Variants in MOCS1 observed in about 807,000 individuals in gnomAD.
The protein encoded by MOCS1 is molybdenum cofactor synthesis 1.
A neutral mutation model predicts 57.6 loss-of-function variants in MOCS1; 39 were observed. The observed-to-expected ratio is 0.68, with a 90% CI of 0.52 to 0.88. MOCS1 has a LOEUF of 0.88. MOCS1 is among the 40% of genes least tolerant of loss of function. The probability of loss-of-function intolerance (pLI) is 0.00; values close to 1 mark genes in which losing one functional copy is unlikely to be tolerated. For missense variants in MOCS1, 795 were observed against 831.1 expected (o/e 0.96, Z 0.53); for synonymous variants, 334 against 335.7 (o/e 1.00, Z 0.05).
At chr6:39,920,930 C>T (rs1333821223) in intron 3 of MOCS1, among the ~76,000 whole-genome samples, 1 of 148,878 alleles carries the variant, frequency 6.7e-6, no homozygotes, top group East Asian at 2.1e-4. Flanking sequence ...AGTGAGCTGT[C>T]GTGCCACTGC....
At chr6:39,927,235 G>C in intron 2 of MOCS1, 94 bp downstream of exon 2, 1 of 1,489,816 alleles carries the variant, frequency 6.7e-7, no homozygotes, top group Non-Finnish European at 9.3e-7. Flanking sequence ...AGCAGAACTG[G>C]AGGACACAGG....
chr6:39,911,943 GGGC>G (rs1767355611), intron 8 of MOCS1, among the ~76,000 whole-genome samples: 2 of 152,182 alleles, frequency 1.3e-5, no homozygotes, highest in Non-Finnish European at 2.9e-5. Flanking sequence ...CTGGTGGAAG[GGGC>G]TAACCATGGC....
At chr6:39,909,168 G>T in intron 9 of MOCS1, 66 bp from the exon 10 acceptor site, 1 of 714,126 alleles carries the variant, frequency 1.4e-6, no homozygotes. Flanking sequence ...AGGAAAGCAG[G>T]GGAGGGGGAG....
In MOCS1 at chr6:39,904,909, C is replaced by G. The variant is rs1766746821; in HGVS notation, c.*1448G>C. 1 of 453,994 alleles carries G rather than the reference C, an allele frequency of 2.2e-6. No individual in the cohort carries two copies. Among genetic ancestry groups the G allele is most frequent in the South Asian group, 1.6e-5 (1 of 64,474 alleles). The allele number at this position is 453,994 out of a possible 1,614,324, so 28.1% of individuals were successfully genotyped here. Reference sequence around the variant, plus strand: ...TTGTGCCTTCTTCCTATGAGGGGATCTGGGGTGGGCTGAGAGTGTGCTGGA... The same window carrying G: ...TTGTGCCTTCTTCCTATGAGGGGATGTGGGGTGGGCTGAGAGTGTGCTGGA... On this transcript the variant is annotated 3_prime_UTR_variant, in exon 11 of 11. Transcript: ENST00000340692.
At chr6:39,910,871 G>T (rs762764417) in intron 8 of MOCS1, among the ~76,000 whole-genome samples, 2 of 149,722 alleles carry the variant, frequency 1.3e-5, no homozygotes, top group Non-Finnish European at 3.0e-5. Flanking sequence ...AATGGGTAAA[G>T]GGAAAGAACA....
intron 3 of MOCS1, among the ~76,000 whole-genome samples, chr6:39,923,669 G>A (rs1768103487): frequency 6.6e-6 from 1 of 152,268 alleles, no homozygotes; most frequent in Non-Finnish European, 1.5e-5. Context: ...TGGAACATGG[G>A]GTCAGCTTGC....
chr6:39,919,396 G>A (rs1459450694), intron 3 of MOCS1, among the ~76,000 whole-genome samples: 3 of 152,096 alleles, frequency 2.0e-5, no homozygotes, highest in Admixed American at 6.6e-5. Flanking sequence ...GCCAAAGCAG[G>A]AGAATCGCTT....
At chr6:39,929,628 G>C (rs79444530) in intron 1 of MOCS1, among the ~76,000 whole-genome samples, 2,039 of 151,920 alleles carry the variant, frequency 0.013, 43 homozygotes, top group African/African-American at 0.044. Context: ...AGAGCAAGCA[G>C]TGTGATGGAG....
chr6:39,921,265 G>A (rs989004528), intron 3 of MOCS1, among the ~76,000 whole-genome samples: 3 of 152,086 alleles, frequency 2.0e-5, no homozygotes, highest in Non-Finnish European at 4.4e-5. Context: ...CAGGCATGGT[G>A]GCGGGTGCCT....
rs138580475 is a variant in MOCS1 at position 39,916,363 on chromosome 6, C to T, written c.419-131G>A. 7.8e-5 allele frequency: 82 copies of T among 1,057,220 alleles called. No homozygotes were observed. The African/African-American group carries it at 1.2e-3, about 15-fold the overall frequency. The allele number at this position is 1,057,220 out of a possible 1,614,324, so 65.5% of individuals were successfully genotyped here. On this transcript the variant is annotated intron_variant, in intron 3 of 10. Coordinates refer to ENST00000340692, the MANE Select transcript of MOCS1 (RefSeq NM_001358530.2). ...GAGGCTCTCTGCAGACCTATATTAA[C>T]CAGGCCTAACTTAAAAAGAAAGCTA... is the stretch of plus-strand genomic sequence containing the variant.
chr6:39,931,633 T>C (rs2504116), intron 1 of MOCS1, among the ~76,000 whole-genome samples: 68,503 of 151,530 alleles, frequency 0.45, 15,867 homozygotes, highest in African/African-American at 0.55. Flanking sequence ...CAAGATGACC[T>C]CCTGAAAGCC....
intron 10 of MOCS1, among the ~76,000 whole-genome samples, chr6:39,907,359 G>C (rs1245432015): frequency 6.6e-6 from 1 of 151,904 alleles, no homozygotes; most frequent in African/African-American, 2.4e-5. Flanking sequence ...AGCCCTCCTA[G>C]AAACTGCTGT....
In MOCS1 at chr6:39,925,690, C is replaced by G; in HGVS notation, c.406G>C (p.Val136Leu). ...GGEPLIRPDVVDIVAQLQRLE... is the reference protein window; with the variant it reads ...GGEPLIRPDVLDIVAQLQRLE... ...TCGTCCAACTCACCCACAATGTCCA[C>G]CACGTCCGGCCGGATAAGCGGCTCT... is the stretch of plus-strand genomic sequence containing the variant. Residue 136 changes from valine (V) to leucine (L), a missense_variant, in exon 3 of 11, where the codon GTG (valine) becomes CTG (leucine). Around this residue, in one of 3 missense-constraint regions of MOCS1, gnomAD observed 416 missense variants for 392.4 expected, o/e 1.06. Transcript: ENST00000340692. The G allele has an allele frequency of 6.2e-7, 1 of 1,612,848 alleles. No individual in the cohort carries two copies. The highest frequency in any genetic ancestry group is 8.5e-7 in the Non-Finnish European group (1 of 1,180,004).
At chr6:39,931,480 C>A (rs1025665369) in intron 1 of MOCS1, among the ~76,000 whole-genome samples, 2 of 152,160 alleles carry the variant, frequency 1.3e-5, no homozygotes, top group African/African-American at 4.8e-5. Flanking sequence ...GAGGACCCAA[C>A]AAAGAGCCTA....
At chr6:39,923,979 G>T (rs548304977) in intron 3 of MOCS1, among the ~76,000 whole-genome samples, 25 of 152,322 alleles carry the variant, frequency 1.6e-4, no homozygotes, top group African/African-American at 6.0e-4. Flanking sequence ...GAGGGGCGGG[G>T]GGTCCTGTCC....
Position 39,934,386 on chromosome 6 carries a change from C to T in MOCS1, c.32G>A (p.Arg11Gln), listed in dbSNP as rs1768804200. 2.6e-6 allele frequency: 4 copies of T among 1,562,318 alleles called. No individual in the cohort carries two copies. In the South Asian group the frequency reaches 3.5e-5, roughly 14 times the overall value. The change falls in exon 1 of 11, where the codon CGG becomes CAG. Residue 11 changes from arginine (R) to glutamine (Q), a missense_variant. Arg to Gln is a conservative substitution (Grantham distance 43). Transcript: ENST00000340692. MAARPLSRML[R>Q]RLLRSSARSC... ...CCGGGCGCTGGACCTCAGAAGCCGCCGCAGCATCCGGGACAGTGGCCGCGC... is the reference window on the plus strand; with the variant it reads ...CCGGGCGCTGGACCTCAGAAGCCGCTGCAGCATCCGGGACAGTGGCCGCGC...
Position 39,906,882 on chromosome 6 carries a change from A to T in MOCS1, c.1386T>A (p.Leu462=). 6.2e-7 allele frequency: 1 copy of T among 1,614,202 alleles called. No individual in the cohort carries two copies. Among genetic ancestry groups the T allele is most frequent in the Non-Finnish European group, 8.5e-7 (1 of 1,180,034 alleles). Residue 462 remains leucine (L), a synonymous_variant, in exon 11 of 11, where the codon CTT becomes CTA. Transcript: ENST00000340692. ...RADSDANSKC[L]SPGSWASAAP... Reference sequence around the variant, plus strand: ...CAGCAGAAGCCCAGGAACCTGGGCTAAGGCACTTTGAGTTGGCATCTGAGT... The same window carrying T: ...CAGCAGAAGCCCAGGAACCTGGGCTTAGGCACTTTGAGTTGGCATCTGAGT...
intron 3 of MOCS1, among the ~76,000 whole-genome samples, chr6:39,918,923 T>C (rs757669193): frequency 1.1e-4 from 17 of 151,926 alleles, no homozygotes; most frequent in Non-Finnish European, 2.1e-4. Context: ...TAAGGAAAAT[T>C]AGCAGTGGTT....
At chr6:39,931,149 C>T (rs1279890550) in intron 1 of MOCS1, among the ~76,000 whole-genome samples, 2 of 151,108 alleles carry the variant, frequency 1.3e-5, no homozygotes, top group African/African-American at 2.4e-5. Flanking sequence ...TCAGCAGGCA[C>T]TAAGCAGCCT....
Sources: allele counts gnomAD v4.1 joint callset (sites outside exome capture counted in the v4.1 genomes callset), GRCh38; gene constraint gnomAD v4.1.1; regional missense constraint gnomAD v4.1.1; transcripts MANE v1.5; gene names NCBI Gene and HGNC (gene_info 2026-07-23, HGNC 2026-07-21).